GATAD1: variants seen among roughly 807,000 people sequenced by gnomAD.
GATAD1 encodes the protein GATA zinc finger domain containing 1.
GATAD1 carries 12 observed loss-of-function variants against 26.5 expected under a neutral mutation model. The ratio of observed to expected loss-of-function variants is 0.45; its 90% CI spans 0.29 to 0.73. The LOEUF (loss-of-function observed/expected upper bound fraction) is 0.73, where lower values mean the gene tolerates loss of function less well. GATAD1 is among the 30% of genes least tolerant of loss of function. The pLI, the probability that GATAD1 is intolerant of heterozygous loss-of-function variation, is 0.10. For missense variants in GATAD1, 266 were observed against 342.1 expected, an observed-to-expected ratio of 0.78 and a Z score of 1.75; for synonymous variants, 129 against 133.1, an observed-to-expected ratio of 0.97 and a Z score of 0.21.
rs568761017 is a variant in GATAD1 at position 92,455,113 on chromosome 7, G to T, written c.619+428G>T. On this transcript the variant is annotated intron_variant, in intron 4 of 4. Coordinates refer to ENST00000287957, the MANE Select transcript of GATAD1 (RefSeq NM_021167.5). ...AACATATAAATTTGGAGGGTGGCGGGGGGGGATGCAATTCAGTCCATAACA... is the reference window on the plus strand; with the variant it reads ...AACATATAAATTTGGAGGGTGGCGGTGGGGGATGCAATTCAGTCCATAACA... Among the ~76,000 whole-genome samples the T allele has an allele frequency of 7.9e-5, 12 of 151,952 alleles. No individual in the cohort carries two copies. The South Asian group carries it at 8.3e-4, about 11-fold the overall frequency.
chr7:92,493,158 TA>T, the GATAD1 span: 1 of 1,249,310 alleles, frequency 8.0e-7, no homozygotes, highest in Non-Finnish European at 1.1e-6. Context: ...ATTTAACAAA[TA>T]AAAAATAAAA....
chr7:92,486,668 AT>A, the GATAD1 span, among the ~76,000 whole-genome samples: 252 of 149,948 alleles, frequency 1.7e-3, no homozygotes, highest in Non-Finnish European at 2.7e-3. Context: ...TGCATGGCTA[AT>A]TTTTTTTTTA....
intron 4 of GATAD1, among the ~76,000 whole-genome samples, chr7:92,455,857 G>A (rs1478957022): frequency 1.3e-5 from 2 of 152,102 alleles, no homozygotes; most frequent in African/African-American, 4.8e-5. Flanking sequence ...AATCACCTTC[G>A]GGATTCCTCT....
At chr7:92,492,914 A>C in the GATAD1 span, 27 of 1,495,148 alleles carry the variant, frequency 1.8e-5, no homozygotes, top group Non-Finnish European at 2.5e-5. Context: ...TTCTTTTATC[A>C]CTCATAAAAT....
the GATAD1 span, among the ~76,000 whole-genome samples, chr7:92,479,518 A>G: frequency 6.6e-6 from 1 of 152,234 alleles, no homozygotes; most frequent in Admixed American, 6.5e-5. Context: ...TTCTTCAGTT[A>G]CTTCAGGCCA....
intron 3 of GATAD1, among the ~76,000 whole-genome samples, chr7:92,451,328 T>C (rs911544791): frequency 2.8e-4 from 43 of 152,222 alleles, no homozygotes; most frequent in African/African-American, 1.0e-3. Context: ...ATCTGATACC[T>C]CAGTGAGAGA....
At position 92,459,485 on chromosome 7, in the gene GATAD1, C is replaced by T. The variant is rs1284975606; in HGVS notation, c.*2923C>T. The T allele has an allele frequency of 2.0e-5, 3 of 152,132 alleles. No individual in the cohort carries two copies. The highest frequency in any genetic ancestry group is 6.6e-5 in the Admixed American group (1 of 15,264). 9.4% of individuals were successfully genotyped at this position (152,132 alleles called of 1,614,324 possible). A position where few individuals can be genotyped will look rare whatever the true frequency, so the allele number is the denominator to read the frequency against. ...CTGCTGAGGCCGGACCTGATATGGCCCTGGTCTGTGTTCCCAGCCTTGTTT... is the reference window on the plus strand; with the variant it reads ...CTGCTGAGGCCGGACCTGATATGGCTCTGGTCTGTGTTCCCAGCCTTGTTT... On this transcript the variant is annotated 3_prime_UTR_variant, in exon 5 of 5. Coordinates refer to ENST00000287957, the MANE Select transcript of GATAD1 (RefSeq NM_021167.5).
chr7:92,450,802 T>C, intron 3 of GATAD1, 42 bp downstream of exon 3: 1 of 1,193,854 alleles, frequency 8.4e-7, no homozygotes, highest in Non-Finnish European at 1.3e-6. Context: ...TTGGGCCTAG[T>C]GGGTAATGTG....
chr7:92,447,844 G>T lies in GATAD1; in HGVS notation c.115G>T (p.Ala39Ser). The change falls in exon 1 of 5, where the codon GCG becomes TCG. Residue 39 changes from alanine (A) to serine (S), a missense_variant. Physicochemically the swap from Ala to Ser is moderately conservative, Grantham distance 99. Transcript: ENST00000287957. ...LCHHCTGRGG[A>S]GSGGAGSGAA... ...CCATCATTGCACTGGCCGGGGCGGCGCGGGCAGCGGGGGCGCAGGCTCGGG... is the reference window on the plus strand; with the variant it reads ...CCATCATTGCACTGGCCGGGGCGGCTCGGGCAGCGGGGGCGCAGGCTCGGG... 1 of 1,394,562 alleles carries T rather than the reference G, an allele frequency of 7.2e-7. No homozygotes were observed. Among genetic ancestry groups the T allele is most frequent in the Non-Finnish European group, 9.3e-7 (1 of 1,069,570 alleles). The allele number at this position is 1,394,562 out of a possible 1,614,324, so 86.4% of individuals were successfully genotyped here.
At chr7:92,480,571 CAG>C in the GATAD1 span, among the ~76,000 whole-genome samples, 2 of 152,086 alleles carry the variant, frequency 1.3e-5, no homozygotes, top group Non-Finnish European at 2.9e-5. Flanking sequence ...GAAATGATGA[CAG>C]AATAGAATGG....
the GATAD1 span, chr7:92,470,659 G>A: frequency 2.6e-5 from 8 of 310,720 alleles, no homozygotes; most frequent in East Asian, 4.2e-4. Context: ...CATGTCACAA[G>A]GGTGGAATAG....
chr7:92,494,731 T>C, the GATAD1 span: 6 of 769,850 alleles, frequency 7.8e-6, no homozygotes, highest in Admixed American at 1.3e-4. Context: ...TATTTATATA[T>C]ATTTATATAC....
intron 4 of GATAD1, 64 bp downstream of exon 4, chr7:92,454,749 G>C (rs1402727976): frequency 5.3e-6 from 6 of 1,137,056 alleles, no homozygotes; most frequent in African/African-American, 4.8e-5. Flanking sequence ...TTATGTAAAA[G>C]AGTGTGTTAG....
the GATAD1 span, among the ~76,000 whole-genome samples, chr7:92,468,214 C>T: frequency 2.6e-5 from 4 of 152,140 alleles, no homozygotes; most frequent in Admixed American, 1.3e-4. Context: ...GCCTTTAGCC[C>T]GATTGGGAGC....
At position 92,454,585 on chromosome 7, in the gene GATAD1, T is replaced by A. The variant is rs761271091; in HGVS notation, c.519T>A (p.Phe173Leu). 1.2e-5 allele frequency: 19 copies of A among 1,613,400 alleles called. No homozygotes were observed. Among genetic ancestry groups the A allele is most frequent in the Non-Finnish European group, 1.6e-5 (19 of 1,179,290 alleles). ...GKPYYAQIRG[F>L]IQDQYCEKSA... The stretch of plus-strand genomic sequence containing the variant: ...CCTACTATGCTCAAATCAGAGGTTT[T>A]ATCCAGGACCAGTATTGCGAGAAGA... Residue 173 changes from phenylalanine (F) to leucine (L), a missense_variant, in exon 4 of 5, where the codon TTT (phenylalanine) becomes TTA (leucine). Transcript: ENST00000287957.
At chr7:92,491,901 GA>G in the GATAD1 span, among the ~76,000 whole-genome samples, 1 of 152,278 alleles carries the variant, frequency 6.6e-6, no homozygotes, top group South Asian at 2.1e-4. Context: ...GGAGAGGGAA[GA>G]ACTTCAATGG....
At chr7:92,490,632 C>CAAAAAA in the GATAD1 span, among the ~76,000 whole-genome samples, 2 of 79,656 alleles carry the variant, frequency 2.5e-5, no homozygotes, top group African/African-American at 5.0e-5. Flanking sequence ...GAGACTGTCT[C>CAAAAAA]AAAAAAAAAA....
At chr7:92,449,678 T>G (rs1789336711) in intron 2 of GATAD1, 1 of 892,486 alleles carries the variant, frequency 1.1e-6, no homozygotes, top group African/African-American at 1.8e-5. Context: ...ATTTTCTTTT[T>G]TTTTTTTTAA....
In GATAD1 at chr7:92,459,700, T is replaced by A. The variant is rs191396047; in HGVS notation, c.*3138T>A. 5.9e-5 allele frequency among the ~76,000 whole-genome samples: 9 copies of A among 152,370 alleles called. No homozygotes were observed. The East Asian group carries it at 1.7e-3, about 29-fold the overall frequency. On this transcript the variant is annotated 3_prime_UTR_variant, in exon 5 of 5. Coordinates refer to ENST00000287957, the MANE Select transcript of GATAD1 (RefSeq NM_021167.5). The stretch of plus-strand genomic sequence containing the variant: ...ATCTCTATCCTATTGTCATCACATT[T>A]AAGTTTCTACTTCCATCATCCTCAC...
Sources: gnomAD v4.1 joint callset for allele counts (sites outside exome capture counted in the v4.1 genomes callset) on GRCh38, gnomAD v4.1.1 for gene constraint, MANE v1.5 for transcripts, NCBI Gene and HGNC (gene_info 2026-07-23, HGNC 2026-07-21) for gene names.